Variants in POLR1A observed in about 807,000 individuals in gnomAD.
POLR1A encodes the protein RNA polymerase I subunit A.
POLR1A carries 84 observed loss-of-function variants against 205.3 expected under a neutral mutation model. That is an observed-to-expected ratio of 0.41 (90% CI 0.34 to 0.49). The LOEUF (loss-of-function observed/expected upper bound fraction) is 0.49. POLR1A is among the 20% of genes least tolerant of loss of function. POLR1A has a pLI of 0.22. For missense variants in POLR1A, 1,645 were observed against 2,204.5 expected (o/e 0.75, Z 5.08); for synonymous variants, 799 against 863.7 (o/e 0.93, Z 1.31).
intron 6 of POLR1A, among the ~76,000 whole-genome samples, chr2:86,087,430 C>T (rs1248154266): frequency 1.3e-5 from 2 of 152,170 alleles, no homozygotes; most frequent in African/African-American, 2.4e-5. Flanking sequence ...CAATTCTAGG[C>T]AAGAGGCTTT....
At chr2:86,095,513 A>G (rs1673687344) in intron 3 of POLR1A, among the ~76,000 whole-genome samples, 1 of 152,240 alleles carries the variant, frequency 6.6e-6, no homozygotes, top group Non-Finnish European at 1.5e-5. Context: ...ACATATCAAC[A>G]AACAAAATGA....
chr2:86,070,309 A>G lies in POLR1A; in HGVS notation c.1612-37T>C, dbSNP rs1673153526. The G allele has an allele frequency of 6.4e-7, 1 of 1,564,140 alleles. No individual in the cohort carries two copies. The highest frequency in any genetic ancestry group is 1.2e-5 in the South Asian group (1 of 83,828). Reference sequence around the variant, plus strand: ...GTGGACAGGTGGGTGATCAGTGCAAACGTCAGTATCACCACGGCTCTTTCC... The same window carrying G: ...GTGGACAGGTGGGTGATCAGTGCAAGCGTCAGTATCACCACGGCTCTTTCC... On this transcript the variant is annotated intron_variant, in intron 12 of 33. Transcript: ENST00000263857. The surrounding 1 kb of genome is among the most constrained non-coding windows in gnomAD (Gnocchi z 4.4).
chr2:86,095,393 G>C (rs923010960), intron 3 of POLR1A, among the ~76,000 whole-genome samples: 3 of 152,234 alleles, frequency 2.0e-5, no homozygotes, highest in Non-Finnish European at 4.4e-5. Flanking sequence ...AAAAAGGCCA[G>C]TATTTGCAGA....
At chr2:86,071,403 G>T (rs1204477698) in intron 12 of POLR1A, among the ~76,000 whole-genome samples, 1 of 151,926 alleles carries the variant, frequency 6.6e-6, no homozygotes. Flanking sequence ...CGATCTTCCC[G>T]CCTTGGCCTC....
At chr2:86,094,637 T>C (rs879754945) in intron 3 of POLR1A, among the ~76,000 whole-genome samples, 9 of 152,246 alleles carry the variant, frequency 5.9e-5, no homozygotes, top group African/African-American at 1.9e-4. Flanking sequence ...GTACACACAC[T>C]TTACACCCGA....
In POLR1A at chr2:86,023,148, A is replaced by G. The variant is rs879452820; in HGVS notation, c.*4275T>C. On this transcript the variant is annotated 3_prime_UTR_variant, in exon 34 of 34. Coordinates refer to ENST00000263857, the MANE Select transcript of POLR1A (RefSeq NM_015425.6). The stretch of plus-strand genomic sequence containing the variant: ...TGGGGTGGAGGTTGATGGTGTAGGA[A>G]CTTTGGAATTTTTGACTGTAGCTAT... The G allele has an allele frequency of 1.1e-4, 16 of 152,230 alleles. 1 individual carries two copies. The highest frequency in any genetic ancestry group is 3.1e-4 in the African/African-American group (13 of 41,448). The allele number at this position is 152,230 out of a possible 1,614,324, so 9.4% of individuals were successfully genotyped here.
At chr2:86,090,070 C>A in intron 3 of POLR1A, 141 bp from the exon 4 acceptor site, 1 of 597,724 alleles carries the variant, frequency 1.7e-6, no homozygotes, top group Non-Finnish European at 3.0e-6. Context: ...GTTGCACTTT[C>A]AAAAGAGTGA....
At chr2:86,041,226 G>C (rs1672599439) in intron 24 of POLR1A, among the ~76,000 whole-genome samples, 1 of 144,174 alleles carries the variant, frequency 6.9e-6, no homozygotes, top group Non-Finnish European at 1.5e-5. Flanking sequence ...GTGTGTGTGT[G>C]TGTGCTGAGC....
intron 14 of POLR1A, among the ~76,000 whole-genome samples, chr2:86,063,201 G>A (rs1673026704): frequency 6.6e-6 from 1 of 151,766 alleles, no homozygotes; most frequent in Non-Finnish European, 1.5e-5. Flanking sequence ...CGGGCATGGT[G>A]GCGCATGCTT....
intron 7 of POLR1A, among the ~76,000 whole-genome samples, chr2:86,082,122 C>G (rs1673415433): frequency 6.6e-6 from 1 of 152,052 alleles, no homozygotes; most frequent in Non-Finnish European, 1.5e-5. Flanking sequence ...AGGCATGAGC[C>G]AACGTGCCTG....
At chr2:86,055,009 T>A (rs936971177) in intron 14 of POLR1A, among the ~76,000 whole-genome samples, 3 of 152,178 alleles carry the variant, frequency 2.0e-5, no homozygotes, top group Non-Finnish European at 4.4e-5. Context: ...TCTTTAGATG[T>A]GTGCAACGAG....
rs1024285428 is a variant in POLR1A at position 86,024,572 on chromosome 2, C to T, written c.*2851G>A. 6.6e-6 allele frequency: 1 copy of T among 152,134 alleles called. No individual in the cohort carries two copies. The highest frequency in any genetic ancestry group is 1.9e-4 in the East Asian group (1 of 5,192). 9.4% of individuals were successfully genotyped at this position (152,134 alleles called of 1,614,324 possible). Reference sequence around the variant, plus strand: ...ATCTGTGGGAATGCTGATAGTGTTTCTGGTGAGAACCCAAAAAAGAGACAC... The same window carrying T: ...ATCTGTGGGAATGCTGATAGTGTTTTTGGTGAGAACCCAAAAAAGAGACAC... On this transcript the variant is annotated 3_prime_UTR_variant, in exon 34 of 34. Coordinates refer to ENST00000263857, the MANE Select transcript of POLR1A (RefSeq NM_015425.6).
In POLR1A at chr2:86,080,957, T is replaced by G. The variant is rs754927548; in HGVS notation, c.945A>C (p.Leu315=). Residue 315 remains leucine (L), a synonymous_variant, in exon 9 of 34, where the codon CTA becomes CTC. Transcript: ENST00000263857. The part of the protein sequence containing the change: ...PPSRYRPVSR[L]GDQMFTNGQT... The stretch of plus-strand genomic sequence containing the variant: ...GGCCATTAGTAAACATCTGGTCTCC[T>G]AGGCGACTGACTGGGCGATACCTGC... 1.2e-6 allele frequency: 2 copies of G among 1,613,128 alleles called. No individual in the cohort carries two copies. The highest frequency in any genetic ancestry group is 8.5e-7 in the Non-Finnish European group (1 of 1,179,494).
At chr2:86,029,674 G>A (rs1440894137) in intron 31 of POLR1A, among the ~76,000 whole-genome samples, 2 of 147,672 alleles carry the variant, frequency 1.4e-5, no homozygotes, top group African/African-American at 5.0e-5. Flanking sequence ...TTGGTTTACT[G>A]CAAGCTCCGC....
chr2:86,044,362 C>T (rs1672674521), intron 21 of POLR1A, 58 bp from the exon 22 acceptor site: 1 of 1,595,176 alleles, frequency 6.3e-7, no homozygotes, highest in South Asian at 1.1e-5. Context: ...AGGGCAGCCT[C>T]TGATGAGGGT....
chr2:86,068,225 T>G (rs2104411015), intron 13 of POLR1A, among the ~76,000 whole-genome samples: 1 of 152,158 alleles, frequency 6.6e-6, no homozygotes, highest in East Asian at 1.9e-4. Flanking sequence ...AAAAACCATC[T>G]GCTGCTCCCC....
At chr2:86,068,286 C>A (rs2104411072) in intron 13 of POLR1A, among the ~76,000 whole-genome samples, 1 of 151,596 alleles carries the variant, frequency 6.6e-6, no homozygotes, top group South Asian at 2.1e-4. Flanking sequence ...GAGTCAGAGA[C>A]CCACACAGTT....
In POLR1A at chr2:86,043,059, C is replaced by T. The variant is rs751394938; in HGVS notation, c.3272G>A (p.Ser1091Asn). The T allele has an allele frequency of 2.1e-5, 34 of 1,614,068 alleles. No individual in the cohort carries two copies. The highest frequency in any genetic ancestry group is 5.5e-5 in the South Asian group (5 of 91,084). ...NTLLRRGAFLSYSQKIQEAVK... is the reference protein window; with the variant it reads ...NTLLRRGAFLNYSQKIQEAVK... The stretch of plus-strand genomic sequence containing the variant: ...AGCTTCCTGAATTTTCTGGGAATAA[C>T]TCAAGAAGGCGCCTCTTCTCAGCAG... Residue 1091 changes from serine (S) to asparagine (N), a missense_variant, in exon 23 of 34, where the codon AGT (serine) becomes AAT (asparagine). By Grantham distance (46) the Ser-to-Asn change is conservative. Transcript: ENST00000263857.
At chr2:86,062,444 C>G (rs778954813) in intron 14 of POLR1A, among the ~76,000 whole-genome samples, 1 of 150,722 alleles carries the variant, frequency 6.6e-6, no homozygotes. Context: ...AATAACTGAA[C>G]AACATACTTC....
Sources: allele counts gnomAD v4.1 joint callset (sites outside exome capture counted in the v4.1 genomes callset), GRCh38; gene constraint gnomAD v4.1.1; non-coding constraint Gnocchi (gnomAD v3.1); transcripts MANE v1.5; gene names NCBI Gene and HGNC (gene_info 2026-07-23, HGNC 2026-07-21).